The following ANGPTL5 variants were observed in gnomAD, a reference collection of about 807,000 sequenced individuals.
ANGPTL5 encodes angiopoietin-related protein 5.
A neutral mutation model predicts 39.4 loss-of-function variants in ANGPTL5; 34 were observed. The observed-to-expected ratio is 0.86, with a 90% CI of 0.66 to 1.15. The LOEUF is 1.15. Among genes scored for constraint, ANGPTL5 ranks in the 50% most tolerant of loss-of-function variants. The pLI is 0.00. For synonymous variants in ANGPTL5, 146 were observed against 152.1 expected (o/e 0.96, Z 0.29); for missense variants, 467 against 457.5 (o/e 1.02, Z -0.19).
At chr11:101,910,424 A>AAAAAAAAT (rs1469724609) in intron 1 of ANGPTL5, among the ~76,000 whole-genome samples, 9 of 127,218 alleles carry the variant, frequency 7.1e-5, no homozygotes, top group African/African-American at 2.7e-4. Flanking sequence ...AAAAAAAAAA[A>AAAAAAAAT]ATATATATAT....
At chr11:101,898,419 G>A (rs931143238) in intron 7 of ANGPTL5, among the ~76,000 whole-genome samples, 4 of 152,138 alleles carry the variant, frequency 2.6e-5, no homozygotes, top group African/African-American at 9.7e-5. Context: ...TAGCAATTGT[G>A]AATGGGAGTT....
chr11:101,910,418 AAAAAAAATATAT>A (rs1940071036), intron 1 of ANGPTL5, among the ~76,000 whole-genome samples: 2 of 134,932 alleles, frequency 1.5e-5, no homozygotes, highest in South Asian at 4.9e-4. Context: ...CTCAAAAAAA[AAAAAAAATATAT>A]ATATATATAT....
intron 1 of ANGPTL5, among the ~76,000 whole-genome samples, chr11:101,908,711 G>A (rs1218694909): frequency 6.7e-6 from 1 of 150,280 alleles, no homozygotes; most frequent in Admixed American, 6.6e-5. Flanking sequence ...AACCTGGGAG[G>A]CAGAGGTTGC....
Position 101,900,488 on chromosome 11 carries a change from C to G in ANGPTL5, c.603G>C (p.Gly201=). ...GRTVIQKRID[G]IIDFQRLWCD... is the part of the protein sequence containing the mutation. ...ACCACAACCTCTGGAAATCAATTAT[C>G]CCATCAATTCTTTTCTGTATCACAG... The change falls in exon 7 of 9, where the codon GGG becomes GGC. Residue 201 remains glycine (G), a synonymous_variant. Coordinates refer to ENST00000334289, the MANE Select transcript of ANGPTL5 (RefSeq NM_178127.5). 6.2e-7 allele frequency: 1 copy of G among 1,613,002 alleles called. No homozygotes were observed. The highest frequency in any genetic ancestry group is 8.5e-7 in the Non-Finnish European group (1 of 1,179,166).
intron 3 of ANGPTL5, 136 bp from the exon 4 acceptor site, chr11:101,905,983 A>T (rs1474745515): frequency 1.4e-5 from 9 of 632,118 alleles, no homozygotes; most frequent in Non-Finnish European, 2.2e-5. Flanking sequence ...AATACTCAGA[A>T]TTACATATTT....
intron 4 of ANGPTL5, 80 bp from the exon 5 acceptor site, chr11:101,904,987 G>T: frequency 9.5e-7 from 1 of 1,053,792 alleles, no homozygotes; most frequent in Non-Finnish European, 1.5e-6. Flanking sequence ...ACCCAGCTCT[G>T]AAATACGTAA....
chr11:101,892,226 A>ATTTTG (rs914060377), intron 8 of ANGPTL5, among the ~76,000 whole-genome samples: 3 of 151,802 alleles, frequency 2.0e-5, no homozygotes, highest in Non-Finnish European at 4.4e-5. Flanking sequence ...ACATTGTTTT[A>ATTTTG]TTTTGTTTTG....
At chr11:101,902,553 T>G in intron 6 of ANGPTL5, 68 bp downstream of exon 6, 1 of 1,149,204 alleles carries the variant, frequency 8.7e-7, no homozygotes, top group Non-Finnish European at 1.3e-6. Flanking sequence ...AATTTTAACA[T>G]AAATTAAATT....
intron 7 of ANGPTL5, 66 bp downstream of exon 7, chr11:101,900,364 A>G: frequency 6.6e-7 from 1 of 1,514,234 alleles, no homozygotes; most frequent in Non-Finnish European, 9.1e-7. Flanking sequence ...TCTGACCAAT[A>G]GAGGCTCTAT....
Position 101,892,808 on chromosome 11 carries a change from T to C in ANGPTL5, c.848-1210A>G, listed in dbSNP as rs140674860. 3.2e-4 allele frequency among the ~76,000 whole-genome samples: 48 copies of C among 152,344 alleles called. No individual in the cohort carries two copies. The East Asian group carries it at 7.9e-3, about 25-fold the overall frequency. ...GTTTGTTTCATTATTTCTGAAAGTT[T>C]GGCATCTCTTGAGATAAATCTTTTG... On this transcript the variant is annotated intron_variant, in intron 8 of 8. Coordinates refer to ENST00000334289, the MANE Select transcript of ANGPTL5 (RefSeq NM_178127.5).
intron 1 of ANGPTL5, chr11:101,915,489 T>G: frequency 6.5e-7 from 1 of 1,529,866 alleles, no homozygotes; most frequent in Non-Finnish European, 8.9e-7. Context: ...AGATTCCCAT[T>G]ACCTTTGACG....
rs796712112 is a variant in ANGPTL5 at position 101,909,692 on chromosome 11, GAAA to G, written c.-92-1694_-92-1692del. Among the ~76,000 whole-genome samples, 4 of 144,346 alleles carry G rather than the reference GAAA, an allele frequency of 2.8e-5. No homozygotes were observed. The South Asian group carries it at 8.7e-4, about 31-fold the overall frequency. 94.7% of individuals were successfully genotyped at this position (144,346 alleles called of 152,430 possible). A position where few individuals can be genotyped will look rare whatever the true frequency, so the allele number is the denominator to read the frequency against. On this transcript the variant is annotated intron_variant, in intron 1 of 8. Coordinates refer to ENST00000334289, the MANE Select transcript of ANGPTL5 (RefSeq NM_178127.5). ...CAAGAAAATACTTCAGTGGAAGATGGAAAAAAAAAAATAGCCTCAGCCAAGACA... is the reference window on the plus strand; with the variant it reads ...CAAGAAAATACTTCAGTGGAAGATGGAAAAAAAATAGCCTCAGCCAAGACA...
intron 1 of ANGPTL5, chr11:101,915,430 T>G: frequency 6.3e-7 from 1 of 1,597,320 alleles, no homozygotes; most frequent in African/African-American, 1.3e-5. Flanking sequence ...TCCCAGCCTG[T>G]GGCTGCCAGG....
Position 101,891,500 on chromosome 11 carries a change from C to G in ANGPTL5, c.946G>C (p.Val316Leu). The change falls in exon 9 of 9, where the codon GTC becomes CTC. Residue 316 changes from valine to leucine, a missense_variant. Physicochemically the swap from Val to Leu is conservative, Grantham distance 32. Coordinates refer to ENST00000334289, the MANE Select transcript of ANGPTL5 (RefSeq NM_178127.5). ...DNDGCRPACL[V>L]NGQSVKSCSH... ...CAGCTCTTCACAGACTGACCATTGA[C>G]CAGGCATGCAGGGCGACACCCATCA... 6.2e-7 allele frequency: 1 copy of G among 1,614,024 alleles called. No individual in the cohort carries two copies. The highest frequency in any genetic ancestry group is 8.5e-7 in the Non-Finnish European group (1 of 1,179,980).
intron 7 of ANGPTL5, 83 bp downstream of exon 7, chr11:101,900,347 C>G: frequency 7.1e-7 from 1 of 1,402,434 alleles, no homozygotes; most frequent in Non-Finnish European, 1.0e-6. Flanking sequence ...GCTATTTTTA[C>G]TACAGATCTG....
At chr11:101,898,875 G>A (rs1054793380) in intron 7 of ANGPTL5, among the ~76,000 whole-genome samples, 5 of 152,156 alleles carry the variant, frequency 3.3e-5, no homozygotes, top group African/African-American at 1.2e-4. Flanking sequence ...ATTTATCAAA[G>A]GGCTTTTCTG....
chr11:101,914,152 G>A (rs1485540791), intron 1 of ANGPTL5, among the ~76,000 whole-genome samples: 1 of 152,238 alleles, frequency 6.6e-6, no homozygotes, highest in Admixed American at 6.5e-5. Flanking sequence ...CAAAGGCAGA[G>A]ACATTTGAAT....
intron 7 of ANGPTL5, among the ~76,000 whole-genome samples, chr11:101,898,502 G>A (rs1591253393): frequency 6.6e-6 from 1 of 152,210 alleles, no homozygotes; most frequent in South Asian, 2.1e-4. Flanking sequence ...GTTGTGTCCT[G>A]AGACTTTGCT....
chr11:101,901,822 A>T (rs540704033), intron 6 of ANGPTL5, among the ~76,000 whole-genome samples: 92 of 152,226 alleles, frequency 6.0e-4, no homozygotes, highest in African/African-American at 2.1e-3. Flanking sequence ...AACCGGTAGT[A>T]TTTACTTAGA....
Sources: allele counts gnomAD v4.1 joint callset (sites outside exome capture counted in the v4.1 genomes callset), GRCh38; gene constraint gnomAD v4.1.1; transcripts MANE v1.5; gene names NCBI Gene and HGNC (gene_info 2026-07-23, HGNC 2026-07-21).